The following GRID1 variants were observed in gnomAD, a reference collection of about 807,000 sequenced individuals.
The protein encoded by GRID1 is glutamate ionotropic receptor delta type subunit 1.
A neutral mutation model predicts 98.0 loss-of-function variants in GRID1; 28 were observed. The observed-to-expected ratio is 0.29, with a 90% CI of 0.21 to 0.39. The LOEUF (loss-of-function observed/expected upper bound fraction) is 0.39, where lower values mean the gene tolerates loss of function less well. GRID1 is among the 10% of genes least tolerant of loss of function. The pLI is 1.00. For synonymous variants in GRID1, 553 were observed against 538.5 expected (o/e 1.03, Z -0.37); for missense variants, 1,111 against 1,340.5 (o/e 0.83, Z 2.67).
At chr10:86,213,021 C>T (rs1846128369) in intron 2 of GRID1, among the ~76,000 whole-genome samples, 1 of 152,100 alleles carries the variant, frequency 6.6e-6, no homozygotes, top group Admixed American at 6.5e-5. Context: ...AGGACACACA[C>T]TTGACAGGCA....
chr10:85,877,065 G>A (rs972701692), intron 5 of GRID1, among the ~76,000 whole-genome samples: 3 of 152,242 alleles, frequency 2.0e-5, no homozygotes, highest in African/African-American at 7.2e-5. Flanking sequence ...AGGGGCGCCT[G>A]CCATTGCCCA....
At chr10:86,080,403 GAA>G (rs1270220918) in intron 4 of GRID1, among the ~76,000 whole-genome samples, 6 of 29,578 alleles carry the variant, frequency 2.0e-4, no homozygotes, top group Admixed American at 3.9e-4. Context: ...GAAGGGAAGG[GAA>G]GGGAAGGGGA....
At chr10:85,869,536 G>A (rs989280301) in intron 5 of GRID1, among the ~76,000 whole-genome samples, 2 of 152,224 alleles carry the variant, frequency 1.3e-5, no homozygotes, top group East Asian at 3.8e-4. Context: ...TCACCTACCT[G>A]ATTCTGACAA....
rs569323693 is a variant in GRID1, at chr10:85,757,139, C to T, written c.1234-27525G>A. Among the ~76,000 whole-genome samples the T allele has an allele frequency of 4.6e-5, 7 of 152,324 alleles. No individual in the cohort carries two copies. The South Asian group carries it at 1.5e-3, about 32-fold the overall frequency. ...AACTTGGGGCGGCAGGGTTCACCCA[C>T]TCAGCAGATGCTCCTCTACTGAGCT... On this transcript the variant is annotated intron_variant, in intron 8 of 15. Transcript: ENST00000327946.
chr10:86,337,616 CT>C (rs1848241365), intron 2 of GRID1, among the ~76,000 whole-genome samples: 1 of 151,780 alleles, frequency 6.6e-6, no homozygotes, highest in East Asian at 1.9e-4. Context: ...TCGTGGTGGC[CT>C]GGAAGTTACA....
chr10:85,781,038 C>T (rs1341930560), intron 8 of GRID1, among the ~76,000 whole-genome samples: 1 of 152,176 alleles, frequency 6.6e-6, no homozygotes. Flanking sequence ...CAGGAGCCCA[C>T]TCCTGGGAAG....
At chr10:85,904,364 T>C (rs1409099969) in intron 5 of GRID1, among the ~76,000 whole-genome samples, 1 of 152,140 alleles carries the variant, frequency 6.6e-6, no homozygotes, top group Non-Finnish European at 1.5e-5. Flanking sequence ...AGAATTTCCA[T>C]GACACAGTGC....
intron 6 of GRID1, among the ~76,000 whole-genome samples, chr10:85,860,019 C>G (rs2131785027): frequency 6.6e-6 from 1 of 152,266 alleles, no homozygotes; most frequent in South Asian, 2.1e-4. Flanking sequence ...TCATGCCAAG[C>G]CCCTGAGAAG....
chr10:85,853,865 G>A (rs1449775877), intron 8 of GRID1, among the ~76,000 whole-genome samples: 1 of 152,166 alleles, frequency 6.6e-6, no homozygotes, highest in Non-Finnish European at 1.5e-5. Flanking sequence ...CCACAGTCCT[G>A]AAAACTGTTC....
At chr10:86,179,768 G>A (rs1845628491) in intron 3 of GRID1, among the ~76,000 whole-genome samples, 1 of 152,176 alleles carries the variant, frequency 6.6e-6, no homozygotes, top group South Asian at 2.1e-4. Context: ...TAGGATTTCA[G>A]CTACTTCAAT....
At chr10:85,628,787 C>T (rs1192331204) in intron 13 of GRID1, among the ~76,000 whole-genome samples, 5 of 152,176 alleles carry the variant, frequency 3.3e-5, no homozygotes, top group African/African-American at 1.2e-4. Flanking sequence ...AAGCTGCTTT[C>T]CTGAGGGTCC....
rs2664404 is a variant in GRID1, at chr10:85,600,966, A to G, written c.*1307T>C. ...AGAGGGTCGTAAAGGTGGAAGGGAG[A>G]GTTTGTGCTGGAGCCAGCCCTGTTT... is the stretch of plus-strand genomic sequence containing the variant. On this transcript the variant is annotated 3_prime_UTR_variant, in exon 16 of 16. Transcript: ENST00000327946. 98,018 of 152,064 alleles carry G rather than the reference A, an allele frequency of 0.64. 32,346 individuals carry two copies. The highest frequency in any genetic ancestry group is 0.8 in the African/African-American group (33,346 of 41,468). 9.4% of individuals were successfully genotyped at this position (152,064 alleles called of 1,614,324 possible).
chr10:86,074,793 A>G (rs560201972), intron 4 of GRID1, among the ~76,000 whole-genome samples: 4 of 152,234 alleles, frequency 2.6e-5, no homozygotes, highest in Non-Finnish European at 5.9e-5. Context: ...CAGCTTTTAC[A>G]CAGAGATGGT....
intron 8 of GRID1, among the ~76,000 whole-genome samples, chr10:85,803,879 T>G (rs1177963061): frequency 6.6e-6 from 1 of 151,936 alleles, no homozygotes; most frequent in African/African-American, 2.4e-5. Context: ...GCAAAGTTTA[T>G]GGGACACAGT....
chr10:85,759,006 G>A (rs1231892004), intron 8 of GRID1, among the ~76,000 whole-genome samples: 1 of 152,200 alleles, frequency 6.6e-6, no homozygotes, highest in African/African-American at 2.4e-5. Context: ...GAATTGTTGT[G>A]AGGATTAAAT....
chr10:86,206,769 T>C lies in GRID1; in HGVS notation c.236-121A>G, dbSNP rs1589410689. On this transcript the variant is annotated intron_variant, in intron 2 of 15. Coordinates refer to ENST00000327946, the MANE Select transcript of GRID1 (RefSeq NM_017551.3). This position sits in a 1 kb window ranked among gnomAD's most constrained non-coding sequence, Gnocchi z 4.1. Reference sequence around the variant, plus strand: ...GGACTCCCAAGAGAGGCTGCCTCCCTCCAGGACCAAGAACCATCCTGGGCA... The same window carrying C: ...GGACTCCCAAGAGAGGCTGCCTCCCCCCAGGACCAAGAACCATCCTGGGCA... The C allele has an allele frequency of 1.1e-6, 1 of 887,062 alleles. No homozygotes were observed. Among genetic ancestry groups the C allele is most frequent in the East Asian group, 2.7e-5 (1 of 37,708 alleles). 54.9% of individuals were successfully genotyped at this position (887,062 alleles called of 1,614,324 possible).
chr10:86,049,718 A>C (rs1259747403), intron 4 of GRID1, among the ~76,000 whole-genome samples: 2 of 152,206 alleles, frequency 1.3e-5, no homozygotes, highest in African/African-American at 2.4e-5. Context: ...TACCTCTGGG[A>C]CCAGATTCAT....
At chr10:85,928,583 C>CGACT (rs1564628759) in intron 4 of GRID1, among the ~76,000 whole-genome samples, 2 of 152,238 alleles carry the variant, frequency 1.3e-5, no homozygotes, top group Admixed American at 6.5e-5. Flanking sequence ...CCTTGCACCA[C>CGACT]GACTGATTCA....
At chr10:86,187,263 A>C (rs916725478) in intron 3 of GRID1, among the ~76,000 whole-genome samples, 4 of 152,194 alleles carry the variant, frequency 2.6e-5, no homozygotes, top group African/African-American at 9.7e-5. Flanking sequence ...CAAGCATCTG[A>C]TAAGCACTTT....
Sources: allele counts gnomAD v4.1 joint callset (sites outside exome capture counted in the v4.1 genomes callset), GRCh38; gene constraint gnomAD v4.1.1; non-coding constraint Gnocchi (gnomAD v3.1); transcripts MANE v1.5; gene names NCBI Gene and HGNC (gene_info 2026-07-23, HGNC 2026-07-21).